Variants in ANKS1A observed in about 807,000 individuals in gnomAD.
ANKS1A encodes ankyrin repeat and sterile alpha motif domain containing 1A.
In ANKS1A, 55 loss-of-function variants were observed where a neutral mutation model predicts 120.3. The ratio of observed to expected loss-of-function variants is 0.46; its 90% confidence interval spans 0.37 to 0.57. ANKS1A has a LOEUF of 0.57. ANKS1A is among the 20% of genes least tolerant of loss of function. The probability of loss-of-function intolerance (pLI) is 0.00; values close to 1 mark genes in which losing one functional copy is unlikely to be tolerated. For synonymous variants in ANKS1A, 590 were observed against 604.7 expected (o/e 0.98, Z 0.36); for missense variants, 1,123 against 1,480.3 (o/e 0.76, Z 3.96).
intron 9 of ANKS1A, 118 bp from the exon 10 acceptor site, chr6:34,994,184 C>A: frequency 7.5e-7 from 1 of 1,338,144 alleles, no homozygotes; most frequent in South Asian, 1.4e-5. Flanking sequence ...TATTCACCTT[C>A]TCTTTTCCAC....
At position 35,069,194 on chromosome 6, in the gene ANKS1A, T is replaced by A. The variant is rs1389305917; in HGVS notation, c.2184+8941T>A. 5.9e-5 allele frequency among the ~76,000 whole-genome samples: 9 copies of A among 151,954 alleles called. No homozygotes were observed. The East Asian group carries it at 1.7e-3, about 29-fold the overall frequency. On this transcript the variant is annotated intron_variant, in intron 13 of 23. Coordinates refer to ENST00000360359, the MANE Select transcript of ANKS1A (RefSeq NM_015245.3). ...CAGGCTCCCTCTGGAGACCCAAGAG[T>A]GGGAAGAGTGACATCCCCCACACAC...
At chr6:34,969,252 T>TTTTTATTTTTTGCAATAG (rs1771060625) in intron 2 of ANKS1A, among the ~76,000 whole-genome samples, 1 of 152,128 alleles carries the variant, frequency 6.6e-6, no homozygotes, top group African/African-American at 2.4e-5. Flanking sequence ...TAACTATTTA[T>TTTTTATTTTTTGCAATAG]TTATTTATTT....
chr6:35,090,733 C>T lies in ANKS1A; in HGVS notation c.*2124C>T. On this transcript the variant is annotated 3_prime_UTR_variant, in exon 24 of 24. Coordinates refer to ENST00000360359, the MANE Select transcript of ANKS1A (RefSeq NM_015245.3). ...AAGTGGGAAGGCCCCTACTTTTGCA[C>T]TTCTCCAAGTGCAGGTCACACCAGG... The T allele has an allele frequency of 6.1e-6, 6 of 987,508 alleles. No homozygotes were observed. The highest frequency in any genetic ancestry group is 7.2e-6 in the Non-Finnish European group (6 of 831,422). The allele number at this position is 987,508 out of a possible 1,614,324, so 61.2% of individuals were successfully genotyped here. A position where few individuals can be genotyped will look rare whatever the true frequency, so the allele number is the denominator to read the frequency against.
At chr6:34,891,863 A>G (rs1417006118) in intron 1 of ANKS1A, among the ~76,000 whole-genome samples, 1 of 152,174 alleles carries the variant, frequency 6.6e-6, no homozygotes, top group Non-Finnish European at 1.5e-5. Flanking sequence ...TCTTGACCTC[A>G]TGATCCGCCG....
At chr6:34,995,452 C>T (rs1357399152) in intron 10 of ANKS1A, among the ~76,000 whole-genome samples, 1 of 151,900 alleles carries the variant, frequency 6.6e-6, no homozygotes, top group African/African-American at 2.4e-5. Flanking sequence ...TAAAATTTAT[C>T]CTTTTTGGTG....
chr6:35,063,592 AG>A (rs1287157833), intron 13 of ANKS1A, among the ~76,000 whole-genome samples: 1 of 152,250 alleles, frequency 6.6e-6, no homozygotes, highest in Non-Finnish European at 1.5e-5. Context: ...TTTCTGAAAA[AG>A]AAAACATGTA....
intron 1 of ANKS1A, among the ~76,000 whole-genome samples, chr6:34,944,099 C>T (rs992633360): frequency 6.6e-6 from 1 of 152,094 alleles, no homozygotes; most frequent in Non-Finnish European, 1.5e-5. Flanking sequence ...CGGTGAAAAC[C>T]CAGTCTCTAC....
chr6:34,998,585 C>T (rs561126091), intron 10 of ANKS1A, among the ~76,000 whole-genome samples: 9 of 152,264 alleles, frequency 5.9e-5, no homozygotes, highest in South Asian at 2.1e-4. Context: ...TAAAACTTCC[C>T]GGTCTGTTCT....
intron 10 of ANKS1A, among the ~76,000 whole-genome samples, chr6:35,013,298 T>C (rs1773856079): frequency 6.6e-6 from 1 of 152,144 alleles, no homozygotes; most frequent in African/African-American, 2.4e-5. Context: ...TTTTTTTTAT[T>C]TTTTATTTTT....
intron 1 of ANKS1A, among the ~76,000 whole-genome samples, chr6:34,932,425 G>A (rs897130143): frequency 1.3e-5 from 2 of 151,164 alleles, no homozygotes; most frequent in Admixed American, 1.3e-4. Flanking sequence ...CGATCCGCCT[G>A]AGGATCTGGA....
chr6:34,891,231 G>A (rs569036655), intron 1 of ANKS1A, among the ~76,000 whole-genome samples: 3 of 152,196 alleles, frequency 2.0e-5, no homozygotes, highest in South Asian at 4.1e-4. Context: ...ACAGAAATGA[G>A]AATGGAGACT....
chr6:35,059,391 C>A (rs941073059), intron 12 of ANKS1A, among the ~76,000 whole-genome samples: 1 of 152,248 alleles, frequency 6.6e-6, no homozygotes, highest in African/African-American at 2.4e-5. Flanking sequence ...CCCCATTCAG[C>A]CCCTTGCTGC....
At chr6:35,081,550 G>C (rs575634510) in intron 17 of ANKS1A, among the ~76,000 whole-genome samples, 4 of 152,088 alleles carry the variant, frequency 2.6e-5, no homozygotes, top group African/African-American at 7.2e-5. Flanking sequence ...TTCCTTCTCT[G>C]CTTACCCACG....
intron 1 of ANKS1A, among the ~76,000 whole-genome samples, chr6:34,941,023 C>G (rs1264399270): frequency 6.6e-6 from 1 of 152,048 alleles, no homozygotes; most frequent in African/African-American, 2.4e-5. Flanking sequence ...GAGTCTTGCT[C>G]TGTCACCCAG....
intron 7 of ANKS1A, among the ~76,000 whole-genome samples, chr6:34,983,980 G>C (rs1437546219): frequency 1.3e-5 from 2 of 151,988 alleles, no homozygotes; most frequent in Non-Finnish European, 2.9e-5. Flanking sequence ...ATTTTTAGTA[G>C]AGACAGGGTT....
chr6:34,893,229 T>C (rs1766910695), intron 1 of ANKS1A, among the ~76,000 whole-genome samples: 1 of 152,198 alleles, frequency 6.6e-6, no homozygotes, highest in African/African-American at 2.4e-5. Flanking sequence ...TCAGTCTTAG[T>C]CATCCTCAGT....
intron 11 of ANKS1A, among the ~76,000 whole-genome samples, chr6:35,030,436 T>A (rs982421077): frequency 2.0e-5 from 3 of 152,226 alleles, no homozygotes; most frequent in African/African-American, 7.2e-5. Flanking sequence ...TGGCAAATTC[T>A]AAAATTTGGA....
chr6:35,067,959 G>A (rs908220742), intron 13 of ANKS1A, among the ~76,000 whole-genome samples: 6 of 143,436 alleles, frequency 4.2e-5, no homozygotes, highest in African/African-American at 1.0e-4. Context: ...GCGAAATCTC[G>A]GCTCACTGCA....
chr6:34,902,253 T>C (rs1767387733), intron 1 of ANKS1A, among the ~76,000 whole-genome samples: 1 of 152,092 alleles, frequency 6.6e-6, no homozygotes, highest in Non-Finnish European at 1.5e-5. Flanking sequence ...TTTGTTTCTT[T>C]TTTTTTTCTT....
Sources: allele counts gnomAD v4.1 joint callset (sites outside exome capture counted in the v4.1 genomes callset), GRCh38; gene constraint gnomAD v4.1.1; transcripts MANE v1.5; gene names NCBI Gene and HGNC (gene_info 2026-07-23, HGNC 2026-07-21).